SLC2A9: variants seen among roughly 807,000 people sequenced by gnomAD.
The protein encoded by SLC2A9 is solute carrier family 2 member 9.
SLC2A9 carries 39 observed loss-of-function variants against 50.6 expected under a neutral mutation model. The ratio of observed to expected loss-of-function variants is 0.77; its 90% CI spans 0.60 to 1.01. The LOEUF is 1.01. SLC2A9 is among the 50% of genes least tolerant of loss of function. The pLI, the probability that SLC2A9 is intolerant of heterozygous loss-of-function variation, is 0.00. For missense variants in SLC2A9, 686 were observed against 677.6 expected, an observed-to-expected ratio of 1.01 and a Z score of -0.14; for synonymous variants, 324 against 276.9, an observed-to-expected ratio of 1.17 and a Z score of -1.69.
intron 10 of SLC2A9, among the ~76,000 whole-genome samples, chr4:9,871,609 C>T (rs1733450927): frequency 6.6e-6 from 1 of 152,158 alleles, no homozygotes; most frequent in Admixed American, 6.5e-5. Flanking sequence ...AGGGGCCACC[C>T]TAAATCCAGG....
At chr4:9,994,628 T>C (rs2109264803) in intron 3 of SLC2A9, among the ~76,000 whole-genome samples, 1 of 151,298 alleles carries the variant, frequency 6.6e-6, no homozygotes, top group Admixed American at 6.6e-5. Flanking sequence ...ATTGCCCTCA[T>C]TTTATAGGTA....
intron 8 of SLC2A9, among the ~76,000 whole-genome samples, chr4:9,899,207 G>T (rs1245067715): frequency 6.6e-6 from 1 of 152,228 alleles, no homozygotes; most frequent in Non-Finnish European, 1.5e-5. Flanking sequence ...GAATGGAGGA[G>T]TACCTGAGGA....
chr4:9,902,550 A>C (rs1739837488), intron 8 of SLC2A9, among the ~76,000 whole-genome samples: 1 of 152,200 alleles, frequency 6.6e-6, no homozygotes, highest in African/African-American at 2.4e-5. Context: ...GTTGTCTCAC[A>C]GTTCTGGAGG....
intron 3 of SLC2A9, among the ~76,000 whole-genome samples, chr4:9,819,119 A>G (rs1042057665): frequency 2.2e-3 from 322 of 145,248 alleles, no homozygotes; most frequent in African/African-American, 7.5e-3. Flanking sequence ...ACTGTCTCAA[A>G]AAAAAAAAAA....
chr4:9,782,665 G>A (rs1718626017), intron 3 of SLC2A9: 4 of 1,614,042 alleles, frequency 2.5e-6, no homozygotes, highest in East Asian at 2.2e-5. Flanking sequence ...AGCCCGACGT[G>A]AATGCAGAGA....
intron 2 of SLC2A9, among the ~76,000 whole-genome samples, chr4:10,005,410 GAGTCTACA>G (rs1760608881): frequency 6.6e-6 from 1 of 152,174 alleles, no homozygotes; most frequent in Non-Finnish European, 1.5e-5. Context: ...CCAGCCTCAG[GAGTCTACA>G]CAAAATTCCA....
At chr4:9,784,635 T>C (rs1351993988) in intron 3 of SLC2A9, among the ~76,000 whole-genome samples, 8 of 152,218 alleles carry the variant, frequency 5.3e-5, no homozygotes, top group African/African-American at 1.9e-4. Context: ...AGGTGCTCAA[T>C]AGAAAAGCCC....
At chr4:9,902,417 A>G (rs1739807329) in intron 8 of SLC2A9, among the ~76,000 whole-genome samples, 1 of 152,238 alleles carries the variant, frequency 6.6e-6, no homozygotes, top group South Asian at 2.1e-4. Flanking sequence ...GTAGCAGGGC[A>G]GCTTCGGCAT....
chr4:9,785,886 G>A (rs1415217092), intron 3 of SLC2A9, among the ~76,000 whole-genome samples: 1 of 152,216 alleles, frequency 6.6e-6, no homozygotes, highest in Non-Finnish European at 1.5e-5. Context: ...AAAAAACCCA[G>A]GGTGAGTAGG....
At chr4:9,875,732 C>T (rs1734214158) in intron 10 of SLC2A9, among the ~76,000 whole-genome samples, 1 of 152,208 alleles carries the variant, frequency 6.6e-6, no homozygotes, top group Non-Finnish European at 1.5e-5. Context: ...CCTTTTCCCC[C>T]CAGTGACAAA....
intron 10 of SLC2A9, among the ~76,000 whole-genome samples, chr4:9,856,575 A>G (rs1180192549): frequency 6.6e-6 from 1 of 152,234 alleles, no homozygotes; most frequent in East Asian, 1.9e-4. Context: ...AGAACTTAAA[A>G]CAGAAATACC....
At chr4:9,941,608 A>G (rs1748141464) in intron 6 of SLC2A9, among the ~76,000 whole-genome samples, 1 of 152,192 alleles carries the variant, frequency 6.6e-6, no homozygotes, top group Non-Finnish European at 1.5e-5. Flanking sequence ...GTGGCTGGGA[A>G]CAACTAGAGA....
In SLC2A9 at chr4:9,917,072, C is replaced by T. The variant is rs1054690549; in HGVS notation, c.1002+3313G>A. 8.5e-5 allele frequency among the ~76,000 whole-genome samples: 13 copies of T among 152,278 alleles called. No homozygotes were observed. The East Asian group carries it at 2.3e-3, about 27-fold the overall frequency. On this transcript the variant is annotated intron_variant, in intron 7 of 11. Coordinates refer to ENST00000264784, the MANE Select transcript of SLC2A9 (RefSeq NM_020041.3). ...ATGGGGACGGGGATGGGCCTAAAGCCAGGAGCCTCTTTCACACTGGCAACA... is the reference window on the plus strand; with the variant it reads ...ATGGGGACGGGGATGGGCCTAAAGCTAGGAGCCTCTTTCACACTGGCAACA...
At chr4:9,958,894 T>C (rs1285337400) in intron 5 of SLC2A9, among the ~76,000 whole-genome samples, 1 of 151,656 alleles carries the variant, frequency 6.6e-6, no homozygotes, top group East Asian at 1.9e-4. Flanking sequence ...TTGAAAAAAA[T>C]TAATTGTAGG....
intron 6 of SLC2A9, among the ~76,000 whole-genome samples, chr4:9,930,431 T>C (rs1745693713): frequency 1.3e-5 from 2 of 152,186 alleles, no homozygotes; most frequent in African/African-American, 4.8e-5. Context: ...AAACTTGCAA[T>C]TGCCTGTAGT....
intron 5 of SLC2A9, among the ~76,000 whole-genome samples, chr4:9,969,223 A>T (rs1753511664): frequency 6.6e-6 from 1 of 152,122 alleles, no homozygotes; most frequent in South Asian, 2.1e-4. Context: ...ACATTTATGG[A>T]TATGTTATTG....
intron 10 of SLC2A9, among the ~76,000 whole-genome samples, chr4:9,844,512 A>G (rs1728633325): frequency 6.6e-6 from 1 of 152,246 alleles, no homozygotes; most frequent in South Asian, 2.1e-4. Flanking sequence ...CCTCATTGGT[A>G]AATTCCTAAT....
At chr4:9,991,836 C>T (rs1261685508) in intron 3 of SLC2A9, among the ~76,000 whole-genome samples, 1 of 152,158 alleles carries the variant, frequency 6.6e-6, no homozygotes, top group East Asian at 1.9e-4. Context: ...TTGATCTTGG[C>T]CTTCCAGCCT....
chr4:10,019,023 G>A lies in SLC2A9; in HGVS notation c.201C>T (p.Ser67=), dbSNP rs1427606898. Residue 67 remains serine, a synonymous_variant, in exon 2 of 12, where the codon TCC becomes TCT. Transcript: ENST00000264784. ...ACAGGTTGTAGCCGTAGAGGAAGGA[G>A]GAGCCGAAGGCGCCCGCGAGGGAGG... is the stretch of plus-strand genomic sequence containing the variant. ...LVASLAGAFG[S]SFLYGYNLSV... 3 of 1,550,816 alleles carry A rather than the reference G, an allele frequency of 1.9e-6. No individual in the cohort carries two copies. The highest frequency in any genetic ancestry group is 2.6e-6 in the Non-Finnish European group (3 of 1,146,976).
Sources: gnomAD v4.1 joint callset for allele counts (sites outside exome capture counted in the v4.1 genomes callset) on GRCh38, gnomAD v4.1.1 for gene constraint, MANE v1.5 for transcripts, NCBI Gene and HGNC (gene_info 2026-07-23, HGNC 2026-07-21) for gene names.